The following TRIO variants were observed in gnomAD, a reference collection of about 807,000 sequenced individuals.
The protein encoded by TRIO is trio Rho guanine nucleotide exchange factor.
A neutral mutation model predicts 351.9 loss-of-function variants in TRIO; 58 were observed. That is an observed-to-expected ratio of 0.16 (90% CI 0.13 to 0.21). The LOEUF is 0.21. Ranked by LOEUF, TRIO falls within the 10% of genes least tolerant of loss-of-function variation. The pLI is 1.00. For synonymous variants in TRIO, 1,758 were observed against 1,595.7 expected, an observed-to-expected ratio of 1.10 and a Z score of -2.42; for missense variants, 3,201 against 4,027.8, an observed-to-expected ratio of 0.79 and a Z score of 5.56.
intron 8 of TRIO, among the ~76,000 whole-genome samples, chr5:14,308,658 CAT>C (rs1738608929): frequency 8.9e-6 from 1 of 111,948 alleles, no homozygotes; most frequent in Non-Finnish European, 1.6e-5. Flanking sequence ...ATCATCCATC[CAT>C]CCATCCATCC....
intron 3 of TRIO, among the ~76,000 whole-genome samples, chr5:14,284,648 A>G (rs1423157725): frequency 1.3e-5 from 2 of 152,072 alleles, no homozygotes; most frequent in Admixed American, 6.6e-5. Flanking sequence ...GCTTCTTTCA[A>G]GTAGAGGGGC....
chr5:14,450,610 C>T (rs1752785515), intron 34 of TRIO, among the ~76,000 whole-genome samples: 1 of 152,120 alleles, frequency 6.6e-6, no homozygotes, highest in South Asian at 2.1e-4. Flanking sequence ...TATTTGAAAG[C>T]AAAGACAGAG....
At chr5:14,377,950 A>AT (rs1579474882) in intron 19 of TRIO, 62 bp from the exon 20 acceptor site, 1 of 1,255,746 alleles carries the variant, frequency 8.0e-7, no homozygotes, top group East Asian at 2.5e-5. Context: ...AATGAATGGA[A>AT]TTTCGCGGTT....
intron 1 of TRIO, among the ~76,000 whole-genome samples, chr5:14,242,984 C>G (rs1360764549): frequency 2.0e-5 from 3 of 152,226 alleles, no homozygotes; most frequent in South Asian, 2.1e-4. Flanking sequence ...AGGGAACAGA[C>G]ACATGCAGTG....
chr5:14,460,619 CTTCT>C (rs1281977212), intron 34 of TRIO, among the ~76,000 whole-genome samples: 1 of 152,216 alleles, frequency 6.6e-6, no homozygotes, highest in Non-Finnish European at 1.5e-5. Flanking sequence ...TAAATTCATT[CTTCT>C]TTCTTGGTTT....
chr5:14,151,027 C>G (rs1787794852), intron 1 of TRIO, among the ~76,000 whole-genome samples: 1 of 152,132 alleles, frequency 6.6e-6, no homozygotes, highest in East Asian at 1.9e-4. Context: ...TGCTGCTGTC[C>G]AGATCGAAGA....
intron 2 of TRIO, among the ~76,000 whole-genome samples, chr5:14,273,285 T>G (rs1311082398): frequency 1.3e-5 from 2 of 152,220 alleles, no homozygotes; most frequent in African/African-American, 2.4e-5. Context: ...ACTTATTAGG[T>G]CAAGATCTCT....
At position 14,336,580 on chromosome 5, in the gene TRIO, G is replaced by A. The variant is rs1482737518; in HGVS notation, c.1899G>A (p.Gln633=). The stretch of plus-strand genomic sequence containing the variant: ...ATAAATTACTGGAAGCAGCAGAACA[G>A]CTGGCTCAGACTGGGGAATGTGACC... ...NADKLLEAAE[Q]LAQTGECDPE... Residue 633 remains glutamine, a synonymous_variant, in exon 11 of 57, where the codon CAG becomes CAA. Transcript: ENST00000344204. The A allele has an allele frequency of 6.2e-7, 1 of 1,614,220 alleles. No homozygotes were observed. The highest frequency in any genetic ancestry group is 1.1e-5 in the South Asian group (1 of 91,086).
intron 34 of TRIO, among the ~76,000 whole-genome samples, chr5:14,459,159 C>A (rs977976546): frequency 6.6e-6 from 1 of 152,098 alleles, no homozygotes; most frequent in Admixed American, 6.5e-5. Context: ...GTGTCTTGGG[C>A]GAAGGAAGGA....
At chr5:14,507,048 T>C in intron 55 of TRIO, 74 bp from the exon 56 acceptor site, 1 of 1,492,800 alleles carries the variant, frequency 6.7e-7, no homozygotes, top group East Asian at 2.4e-5. Flanking sequence ...GTCCGACATG[T>C]TTACTTCTTA....
chr5:14,257,045 CCT>C lies in TRIO; in HGVS notation c.158-13779_158-13778del, dbSNP rs1795062847. On this transcript the variant is annotated intron_variant, in intron 1 of 56. Coordinates refer to ENST00000344204, the MANE Select transcript of TRIO (RefSeq NM_007118.4). ...CTGTGCCAAAGTAGAGTGGGAAGATCCTGTTTATTTTTGATTATCTGTTAAAA... is the reference window on the plus strand; with the variant it reads ...CTGTGCCAAAGTAGAGTGGGAAGATCGTTTATTTTTGATTATCTGTTAAAA... Among the ~76,000 whole-genome samples, 5 of 152,176 alleles carry C rather than the reference CCT, an allele frequency of 3.3e-5. No homozygotes were observed. The South Asian group carries it at 1.0e-3, about 31-fold the overall frequency.
chr5:14,492,507 T>G, intron 48 of TRIO, 60 bp from the exon 49 acceptor site: 1 of 1,585,218 alleles, frequency 6.3e-7, no homozygotes, highest in East Asian at 2.2e-5. Context: ...GGATTTCATG[T>G]GATCAGGTCT....
chr5:14,428,588 G>A (rs967214752), intron 34 of TRIO, among the ~76,000 whole-genome samples: 4 of 152,166 alleles, frequency 2.6e-5, no homozygotes, highest in African/African-American at 9.7e-5. Context: ...TTTCTACATA[G>A]CGTATAATTA....
chr5:14,355,756 T>C (rs765302176), intron 11 of TRIO, among the ~76,000 whole-genome samples: 9 of 152,218 alleles, frequency 5.9e-5, no homozygotes, highest in Non-Finnish European at 1.3e-4. Context: ...TTATTGATGA[T>C]AAAGCCTTTA....
intron 36 of TRIO, among the ~76,000 whole-genome samples, chr5:14,464,990 G>A (rs1754142366): frequency 6.6e-6 from 1 of 152,128 alleles, no homozygotes; most frequent in African/African-American, 2.4e-5. Flanking sequence ...GGAAATGGAT[G>A]GCACAGAAAA....
At chr5:14,336,828 G>C in intron 11 of TRIO, 101 bp downstream of exon 11, 1 of 1,329,722 alleles carries the variant, frequency 7.5e-7, no homozygotes, top group Non-Finnish European at 1.0e-6. Context: ...AGTGGACAAA[G>C]GTGGCAAGTT....
intron 11 of TRIO, among the ~76,000 whole-genome samples, chr5:14,351,942 G>C (rs555580463): frequency 4.6e-5 from 7 of 152,244 alleles, no homozygotes; most frequent in Non-Finnish European, 1.0e-4. Flanking sequence ...CATCCTCTGT[G>C]GCGGGGTCTC....
At chr5:14,455,459 TAG>T (rs1753211897) in intron 34 of TRIO, among the ~76,000 whole-genome samples, 1 of 152,146 alleles carries the variant, frequency 6.6e-6, no homozygotes, top group Admixed American at 6.5e-5. Flanking sequence ...AACCTTAAGC[TAG>T]ACACAGGGTG....
At chr5:14,190,098 G>T (rs79054175) in intron 1 of TRIO, among the ~76,000 whole-genome samples, 6,522 of 152,114 alleles carry the variant, frequency 0.043, 479 homozygotes, top group African/African-American at 0.15. Flanking sequence ...ACAGGAGATT[G>T]TAAGTGGGTC....
Sources: gnomAD v4.1 joint callset for allele counts (sites outside exome capture counted in the v4.1 genomes callset) on GRCh38, gnomAD v4.1.1 for gene constraint, MANE v1.5 for transcripts, NCBI Gene and HGNC (gene_info 2026-07-23, HGNC 2026-07-21) for gene names.